The following DPP9 variants were observed in gnomAD, a reference collection of about 807,000 sequenced individuals.
DPP9 encodes dipeptidyl peptidase 9, also known as dipeptidyl peptidase IV-related protein-2.
Under a neutral mutation model 110.7 loss-of-function variants are expected in DPP9, and 50 were observed. That is an observed-to-expected ratio of 0.45 (90% CI 0.36 to 0.57). The LOEUF is 0.57. DPP9 is among the 20% of genes least tolerant of loss of function. The pLI, the probability that DPP9 is intolerant of heterozygous loss-of-function variation, is 0.00. For missense variants in DPP9, 1,022 were observed against 1,217.9 expected, an observed-to-expected ratio of 0.84 and a Z score of 2.39; for synonymous variants, 561 against 514.4, an observed-to-expected ratio of 1.09 and a Z score of -1.23.
At chr19:4,717,979 A>G (rs943605353) in intron 3 of DPP9, 1 of 152,368 alleles carries the variant, frequency 6.6e-6, no homozygotes, top group African/African-American at 2.4e-5. Context: ...CCTTCGGCCA[A>G]TCAGCTGGGT....
intron 4 of DPP9, among the ~76,000 whole-genome samples, chr19:4,708,840 G>A (rs1405399906): frequency 1.3e-5 from 2 of 152,210 alleles, no homozygotes; most frequent in Non-Finnish European, 2.9e-5. Context: ...ACTAGCCTGG[G>A]TGATGAAATA....
At chr19:4,688,681 C>T (rs910232711) in intron 16 of DPP9, 76 bp downstream of exon 16, 63 of 1,353,558 alleles carry the variant, frequency 4.7e-5, no homozygotes, top group Non-Finnish European at 5.7e-5. Context: ...TGCCTCTTTC[C>T]CCAGCATGGG....
At chr19:4,696,676 G>C (rs2091827748) in intron 11 of DPP9, among the ~76,000 whole-genome samples, 2 of 152,016 alleles carry the variant, frequency 1.3e-5, no homozygotes, top group Admixed American at 1.3e-4. Flanking sequence ...TTGAACCTGG[G>C]AGTCAGAGGT....
At chr19:4,715,338 T>C (rs2145928952) in intron 3 of DPP9, among the ~76,000 whole-genome samples, 1 of 152,264 alleles carries the variant, frequency 6.6e-6, no homozygotes, top group East Asian at 1.9e-4. Flanking sequence ...GGCCAGCTTC[T>C]AATCAGATCT....
chr19:4,720,348 T>C (rs926180879), intron 2 of DPP9, among the ~76,000 whole-genome samples: 1 of 152,168 alleles, frequency 6.6e-6, no homozygotes, highest in East Asian at 1.9e-4. Context: ...TGCCTCCTTC[T>C]TGTCCCTCAA....
At chr19:4,712,366 C>T (rs186825664) in intron 4 of DPP9, among the ~76,000 whole-genome samples, 5 of 152,138 alleles carry the variant, frequency 3.3e-5, no homozygotes, top group South Asian at 2.1e-4. Flanking sequence ...TTGGGCAACA[C>T]GGCAAAACCT....
Position 4,676,206 on chromosome 19 carries a change from G to C in DPP9, c.*358C>G. On this transcript the variant is annotated 3_prime_UTR_variant, in exon 22 of 22. Coordinates refer to ENST00000262960, the MANE Select transcript of DPP9 (RefSeq NM_139159.5). This position sits in a 1 kb window ranked among gnomAD's most constrained non-coding sequence, Gnocchi z 4.0. The stretch of plus-strand genomic sequence containing the variant: ...GTGGCTGGCCGGGCCAGGGGACTGA[G>C]AGGTCACAGGGAGCCCCAGGCGGAA... 3.9e-6 allele frequency: 1 copy of C among 259,678 alleles called. No homozygotes were observed. Among genetic ancestry groups the C allele is most frequent in the East Asian group, 8.9e-5 (1 of 11,248 alleles). 16.1% of individuals were successfully genotyped at this position (259,678 alleles called of 1,614,324 possible).
chr19:4,702,528 G>A (rs1422086914), intron 8 of DPP9, 75 bp downstream of exon 8: 7 of 1,145,834 alleles, frequency 6.1e-6, no homozygotes, highest in South Asian at 4.2e-5. Context: ...GGAGTAAGGC[G>A]CAGGAAGGAC....
intron 19 of DPP9, chr19:4,683,263 G>A: frequency 7.0e-7 from 1 of 1,437,086 alleles, no homozygotes; most frequent in Non-Finnish European, 9.1e-7. Flanking sequence ...TGTGCAGCCG[G>A]ATGCCATCCT....
chr19:4,722,296 CA>C, intron 2 of DPP9: 1 of 569,144 alleles, frequency 1.8e-6, no homozygotes, highest in Admixed American at 3.1e-5. Context: ...AAGCTCCTTC[CA>C]GGGGCAGCTA....
In DPP9 at chr19:4,688,782, G is replaced by T; in HGVS notation, c.1860C>A (p.Phe620Leu). ...TGGCTGCCTCCATCATGCTAGCCCA[G>T]AAGCGGGGCTGCTTGTGCAGGGGGT... Reference protein sequence around the residue: ...DDDPLHKQPRFWASMMEAASC... With the variant: ...DDDPLHKQPRLWASMMEAASC... Residue 620 changes from phenylalanine to leucine, a missense_variant, in exon 16 of 22, where the codon TTC becomes TTA. Physicochemically the swap from Phe to Leu is conservative, Grantham distance 22 (BLOSUM62 0). Coordinates refer to ENST00000262960, the MANE Select transcript of DPP9 (RefSeq NM_139159.5). The T allele has an allele frequency of 6.8e-7, 1 of 1,465,980 alleles. No homozygotes were observed. The allele number at this position is 1,465,980 out of a possible 1,614,324, so 90.8% of individuals were successfully genotyped here.
At position 4,676,814 on chromosome 19, in the gene DPP9, G is replaced by C. The variant is rs1286618218; in HGVS notation, c.2587-158C>G. 6.6e-6 allele frequency among the ~76,000 whole-genome samples: 1 copy of C among 152,204 alleles called. No individual in the cohort carries two copies. The highest frequency in any genetic ancestry group is 2.4e-5 in the African/African-American group (1 of 41,454). ...CCCACCTCGGCTGTTGACTTGCAGT[G>C]TAACTCTGGGCCTCTCTAAAAAATG... On this transcript the variant is annotated intron_variant, in intron 21 of 21. Transcript: ENST00000262960. This position sits in a 1 kb window ranked among gnomAD's most constrained non-coding sequence, Gnocchi z 4.0.
Position 4,688,828 on chromosome 19 carries a change from T to G in DPP9, c.1814A>C (p.Lys605Thr). 1 of 1,507,932 alleles carries G rather than the reference T, an allele frequency of 6.6e-7. No homozygotes were observed. Among genetic ancestry groups the G allele is most frequent in the Non-Finnish European group, 8.8e-7 (1 of 1,141,258 alleles). 93.4% of individuals were successfully genotyped at this position (1,507,932 alleles called of 1,614,324 possible). Residue 605 changes from lysine to threonine, a missense_variant, in exon 16 of 22, where the codon AAG becomes ACG. Lys to Thr is a moderately conservative substitution (Grantham distance 78, BLOSUM62 -1). Around this residue, in one of 3 missense-constraint regions of DPP9, gnomAD observed 810 missense variants for 920.6 expected, o/e 0.88. Coordinates refer to ENST00000262960, the MANE Select transcript of DPP9 (RefSeq NM_139159.5). ...GGGGTCGTCGTCGGGGCCGCTCAGCTTGTAGACGTGCACGCAGGGCGGCGT... is the reference window on the plus strand; with the variant it reads ...GGGGTCGTCGTCGGGGCCGCTCAGCGTGTAGACGTGCACGCAGGGCGGCGT... ...VSTPPCVHVY[K>T]LSGPDDDPLH...
chr19:4,698,447 G>A lies in DPP9; in HGVS notation c.1075-796C>T, dbSNP rs2091977438. On this transcript the variant is annotated intron_variant, in intron 10 of 21. Coordinates refer to ENST00000262960, the MANE Select transcript of DPP9 (RefSeq NM_139159.5). This position sits in a 1 kb window ranked among gnomAD's most constrained non-coding sequence, Gnocchi z 4.2. ...GACTCTGCACGTCTGAGAGTGCAAGGAGCCACTAAAACAGCCTGGCGGGGC... is the reference window on the plus strand; with the variant it reads ...GACTCTGCACGTCTGAGAGTGCAAGAAGCCACTAAAACAGCCTGGCGGGGC... Among the ~76,000 whole-genome samples, 1 of 150,890 alleles carries A rather than the reference G, an allele frequency of 6.6e-6. No homozygotes were observed. Among genetic ancestry groups the A allele is most frequent in the Non-Finnish European group, 1.5e-5 (1 of 67,966 alleles).
At chr19:4,699,428 A>G (rs1344348313) in intron 10 of DPP9, among the ~76,000 whole-genome samples, 1 of 151,992 alleles carries the variant, frequency 6.6e-6, no homozygotes, top group African/African-American at 2.4e-5. Flanking sequence ...TCTGGGTCTT[A>G]TGGGATTTGC....
intron 21 of DPP9, among the ~76,000 whole-genome samples, chr19:4,678,104 CTTTCT>C (rs1042129988): frequency 2.0e-5 from 3 of 151,882 alleles, no homozygotes; most frequent in Admixed American, 6.5e-5. Flanking sequence ...TTTCTTTTTT[CTTTCT>C]TTTCTTTTTT....
Position 4,683,866 on chromosome 19 carries a change from CCT to C in DPP9, c.2179-239_2179-238del, listed in dbSNP as rs542320845. 7,081 of 1,493,156 alleles carry C rather than the reference CCT, an allele frequency of 4.7e-3. 30 individuals carry two copies. The highest frequency in any genetic ancestry group is 5.8e-3 in the Non-Finnish European group (6,470 of 1,112,720). 92.5% of individuals were successfully genotyped at this position (1,493,156 alleles called of 1,614,324 possible). ...GTGAGTGGCTCTGGGAGCCACGTCCCCTCTGAGGGCGTCAGTTTGCCCATCCC... is the reference window on the plus strand; with the variant it reads ...GTGAGTGGCTCTGGGAGCCACGTCCCCTGAGGGCGTCAGTTTGCCCATCCC... On this transcript the variant is annotated intron_variant, in intron 18 of 21. Coordinates refer to ENST00000262960, the MANE Select transcript of DPP9 (RefSeq NM_139159.5).
At chr19:4,723,053 C>T (rs767562438) in intron 1 of DPP9, among the ~76,000 whole-genome samples, 4 of 152,136 alleles carry the variant, frequency 2.6e-5, no homozygotes, top group Non-Finnish European at 4.4e-5. Context: ...GGGCTGGACC[C>T]TTGGAAGACA....
In DPP9 at chr19:4,710,394, G is replaced by A. The variant is rs1438050017; in HGVS notation, c.313+3687C>T. ...AAGTCACCGTTTGCAGTGGGGAGAG[G>A]CTGATCCGCGTGGGGCGGGAGCGGG... On this transcript the variant is annotated intron_variant, in intron 4 of 21. Coordinates refer to ENST00000262960, the MANE Select transcript of DPP9 (RefSeq NM_139159.5). This position sits in a 1 kb window ranked among gnomAD's most constrained non-coding sequence, Gnocchi z 5.6. Among the ~76,000 whole-genome samples, 1 of 152,230 alleles carries A rather than the reference G, an allele frequency of 6.6e-6. No homozygotes were observed. Among genetic ancestry groups the A allele is most frequent in the Admixed American group, 6.5e-5 (1 of 15,292 alleles).
Sources: gnomAD v4.1 joint callset for allele counts (sites outside exome capture counted in the v4.1 genomes callset) on GRCh38, gnomAD v4.1.1 for gene constraint, gnomAD v4.1.1 regional missense constraint, Gnocchi (gnomAD v3.1) non-coding constraint, MANE v1.5 for transcripts, NCBI Gene and HGNC (gene_info 2026-07-23, HGNC 2026-07-21) for gene names.